The following PALB2 variants were observed in gnomAD, a reference collection of about 807,000 sequenced individuals.
PALB2 encodes mutant partner and localizer of BRCA2.
PALB2 carries 82 observed loss-of-function variants against 107.4 expected under a neutral mutation model. That is an observed-to-expected ratio of 0.76 (90% CI 0.64 to 0.92). PALB2 has a LOEUF of 0.92. Among genes scored for constraint, PALB2 ranks in the 40% least tolerant of loss-of-function variants. The pLI is 0.00. For missense variants in PALB2, 1,374 were observed against 1,379.9 expected, an observed-to-expected ratio of 1.00 and a Z score of 0.07; for synonymous variants, 489 against 496.8, an observed-to-expected ratio of 0.98 and a Z score of 0.21.
In PALB2 at chr16:23,636,210, G is replaced by A. The variant is rs1293127133; in HGVS notation, c.336C>T (p.Gly112=). The A allele has an allele frequency of 1.2e-6, 2 of 1,613,070 alleles. No homozygotes were observed. The highest frequency in any genetic ancestry group is 1.7e-5 in the Admixed American group (1 of 59,806). The change falls in exon 4 of 13, where the codon GGC becomes GGT. Residue 112 remains glycine, a synonymous_variant. Transcript: ENST00000261584. ...TTCTTTGTATAGGTAATCCTCCTGGGCCATCTCCAGGGTTAAAGGACTCAG... is the reference window on the plus strand; with the variant it reads ...TTCTTTGTATAGGTAATCCTCCTGGACCATCTCCAGGGTTAAAGGACTCAG... The part of the protein sequence containing the change: ...VGPESFNPGD[G]PGGLPIQRTD...
intron 4 of PALB2, 65 bp from the exon 5 acceptor site, chr16:23,630,534 T>A: frequency 7.8e-7 from 1 of 1,278,004 alleles, no homozygotes; most frequent in Non-Finnish European, 1.1e-6. Context: ...TCTGTTTCAC[T>A]GATGACAAAG....
chr16:23,619,713 T>C (rs1340131727), intron 10 of PALB2, among the ~76,000 whole-genome samples: 2 of 152,212 alleles, frequency 1.3e-5, no homozygotes, highest in African/African-American at 4.8e-5. Flanking sequence ...TAACATTTAC[T>C]GAATACCTCC....
chr16:23,631,229 G>A (rs1966873792), intron 4 of PALB2, among the ~76,000 whole-genome samples: 1 of 144,988 alleles, frequency 6.9e-6, no homozygotes, highest in Non-Finnish European at 1.5e-5. Flanking sequence ...GCAGTTAGCG[G>A]AGATGGCACC....
intron 10 of PALB2, among the ~76,000 whole-genome samples, chr16:23,617,329 T>G (rs1347785926): frequency 6.6e-6 from 1 of 151,970 alleles, no homozygotes; most frequent in African/African-American, 2.4e-5. Flanking sequence ...ACCCTAAACA[T>G]GGAGCTAAGG....
chr16:23,622,821 T>C, intron 9 of PALB2, 148 bp downstream of exon 9: 1 of 873,238 alleles, frequency 1.1e-6, no homozygotes, highest in Non-Finnish European at 1.8e-6. Context: ...AACCTGCTTC[T>C]ATGTCATAAC....
intron 4 of PALB2, 146 bp downstream of exon 4, chr16:23,634,716 C>T: frequency 6.4e-6 from 6 of 943,236 alleles, no homozygotes; most frequent in Non-Finnish European, 6.3e-6. Flanking sequence ...TGTTCCTCAG[C>T]CTCCCAAAGT....
chr16:23,634,102 A>C (rs1335477488), intron 4 of PALB2, among the ~76,000 whole-genome samples: 1 of 152,234 alleles, frequency 6.6e-6, no homozygotes, highest in Non-Finnish European at 1.5e-5. Flanking sequence ...ATTGAACCTG[A>C]ATATGTAATA....
intron 11 of PALB2, among the ~76,000 whole-genome samples, chr16:23,611,630 G>C (rs1334548006): frequency 1.3e-5 from 2 of 151,132 alleles, no homozygotes; most frequent in East Asian, 3.9e-4. Context: ...TGTAAATTTT[G>C]TATTTTTAGT....
At position 23,624,013 on chromosome 16, in the gene PALB2, T is replaced by A. The variant is rs2142342728; in HGVS notation, c.2830A>T (p.Ile944Phe). 6.3e-7 allele frequency: 1 copy of A among 1,578,810 alleles called. No homozygotes were observed. Among genetic ancestry groups the A allele is most frequent in the Non-Finnish European group, 8.7e-7 (1 of 1,148,060 alleles). ...VALGNLEIRE[I>F]RALFCSSDDE... ...CACTCCTTGGGAATTACATACCTGA[T>A]CTCTCTGATTTCCAAATTTCCCAAA... is the stretch of plus-strand genomic sequence containing the variant. Residue 944 changes from isoleucine to phenylalanine, a missense_variant, in exon 8 of 13, where the codon ATC (isoleucine) becomes TTC (phenylalanine). By Grantham distance (21) the Ile-to-Phe change is conservative. Transcript: ENST00000261584.
At chr16:23,610,999 A>G (rs530028065) in intron 11 of PALB2, among the ~76,000 whole-genome samples, 9 of 151,880 alleles carry the variant, frequency 5.9e-5, no homozygotes, top group Non-Finnish European at 1.3e-4. Context: ...ACATCACACC[A>G]CTGTACTCCA....
chr16:23,624,615 G>A (rs1197201798), intron 7 of PALB2, among the ~76,000 whole-genome samples: 1 of 152,180 alleles, frequency 6.6e-6, no homozygotes, highest in African/African-American at 2.4e-5. Flanking sequence ...CTGGGTTCAA[G>A]CGATTCTCCT....
rs1373766717 is a variant in PALB2 at position 23,624,062 on chromosome 16, A to T, written c.2781T>A (p.Asp927Glu). The change falls in exon 8 of 13, where the codon GAT (aspartate) becomes GAA (glutamate). Residue 927 changes from aspartate (D) to glutamate (E), a missense_variant. Transcript: ENST00000261584. ...AAGCTACACACACGAGATTATACACATCAGGCACTGGAACTATCTGTAATA... is the reference window on the plus strand; with the variant it reads ...AAGCTACACACACGAGATTATACACTTCAGGCACTGGAACTATCTGTAATA... ...VPVLQIVPVP[D>E]VYNLVCVALG... The T allele has an allele frequency of 6.2e-7, 1 of 1,608,166 alleles. No homozygotes were observed. The highest frequency in any genetic ancestry group is 8.5e-7 in the Non-Finnish European group (1 of 1,174,844).
rs878855123 is a variant in PALB2, at chr16:23,641,151, C to T, written c.7G>A (p.Glu3Lys). 1 of 1,613,054 alleles carries T rather than the reference C, an allele frequency of 6.2e-7. No individual in the cohort carries two copies. MD[E>K]PPGKPLSCEE... ...CAGCTGAGGGGCTTCCCGGGAGGCT[C>T]GTCCATCGGGCAGGCGACAGAACGA... is the stretch of plus-strand genomic sequence containing the variant. Residue 3 changes from glutamate (E) to lysine (K), a missense_variant, in exon 1 of 13, where the codon GAG becomes AAG. Physicochemically the swap from Glu to Lys is moderately conservative, Grantham distance 56. Coordinates refer to ENST00000261584, the MANE Select transcript of PALB2 (RefSeq NM_024675.4).
In PALB2 at chr16:23,626,213, T is replaced by G. The variant is rs748428792; in HGVS notation, c.2748+23A>C. ...CAGGCAAATGGCTGCAAAGATCTCT[T>G]TCAGCTCGAGATTCCCACTTACCTC... On this transcript the variant is annotated intron_variant, in intron 7 of 12. Transcript: ENST00000261584. 1.9e-5 allele frequency: 31 copies of G among 1,614,126 alleles called. 1 individual carries two copies. In the South Asian group the frequency reaches 3.2e-4, roughly 17 times the overall value.
chr16:23,628,882 C>T (rs1966852532), intron 6 of PALB2, among the ~76,000 whole-genome samples: 1 of 152,184 alleles, frequency 6.6e-6, no homozygotes, highest in African/African-American at 2.4e-5. Context: ...GATCAGCCCG[C>T]TTCAGCCTCC....
At chr16:23,622,241 G>A (rs1966785484) in intron 9 of PALB2, among the ~76,000 whole-genome samples, 1 of 152,208 alleles carries the variant, frequency 6.6e-6, no homozygotes, top group Non-Finnish European at 1.5e-5. Context: ...AGGCCTGCAG[G>A]TCTAGAGCTC....
intron 11 of PALB2, among the ~76,000 whole-genome samples, chr16:23,611,081 T>TATCC (rs747409452): frequency 1.4e-4 from 11 of 76,868 alleles, no homozygotes; most frequent in Admixed American, 2.8e-4. Flanking sequence ...ACTGTCAGTC[T>TATCC]ATCTATCTAT....
In PALB2 at chr16:23,603,528, C is replaced by A. The variant is rs587782217; in HGVS notation, c.3492G>T (p.Trp1164Cys). The stretch of plus-strand genomic sequence containing the variant: ...CCAGCAAATGAGAGTCTGTACCCGA[C>A]CATTTCACAAAAGACCAATGTTGGT... Reference protein sequence around the residue: ...VSDQHWSFVKWSGTDSHLLAG... With the variant: ...VSDQHWSFVKCSGTDSHLLAG... The change falls in exon 13 of 13, where the codon TGG becomes TGT. Residue 1164 changes from tryptophan to cysteine, a missense_variant. Transcript: ENST00000261584. 22 of 1,613,922 alleles carry A rather than the reference C, an allele frequency of 1.4e-5. No individual in the cohort carries two copies. In the South Asian group the frequency reaches 2.3e-4, roughly 17 times the overall value.
intron 4 of PALB2, among the ~76,000 whole-genome samples, chr16:23,632,633 G>C (rs891211082): frequency 1.3e-5 from 2 of 152,166 alleles, no homozygotes; most frequent in African/African-American, 4.8e-5. Context: ...ATGGGGTTTA[G>C]GGGTGATGAA....
Sources: allele counts gnomAD v4.1 joint callset (sites outside exome capture counted in the v4.1 genomes callset), GRCh38; gene constraint gnomAD v4.1.1; transcripts MANE v1.5; gene names NCBI Gene and HGNC (gene_info 2026-07-23, HGNC 2026-07-21).